HHAT: variants seen among roughly 807,000 people sequenced by gnomAD.
HHAT encodes protein-cysteine N-palmitoyltransferase HHAT.
In HHAT, 47 loss-of-function variants were observed where a neutral mutation model predicts 70.8. The ratio of observed to expected loss-of-function variants is 0.66; its 90% CI spans 0.53 to 0.85. HHAT has a LOEUF of 0.85. Among genes scored for constraint, HHAT ranks in the 40% least tolerant of loss-of-function variants. HHAT has a pLI of 0.00. For missense variants in HHAT, 609 were observed against 604.8 expected (o/e 1.01, Z -0.07); for synonymous variants, 228 against 247.6 (o/e 0.92, Z 0.74).
intron 10 of HHAT, among the ~76,000 whole-genome samples, chr1:210,596,215 G>A (rs4845058): frequency 0.96 from 146,728 of 152,186 alleles, 70,953 homozygotes; most frequent in East Asian, 1. Context: ...AGCACCATTT[G>A]TTAAATAGGG....
intron 8 of HHAT, among the ~76,000 whole-genome samples, chr1:210,473,485 A>AG (rs2094245325): frequency 3.3e-5 from 5 of 151,844 alleles, no homozygotes; most frequent in Admixed American, 3.3e-4. Context: ...TACAGCACCG[A>AG]GGGGGACGGG....
At chr1:210,336,908 G>A (rs10863820) in intron 1 of HHAT, among the ~76,000 whole-genome samples, 18,206 of 152,312 alleles carry the variant, frequency 0.12, 1,579 homozygotes, top group Admixed American at 0.27. Flanking sequence ...AGGCTGGGGA[G>A]TGTAAGATGT....
At chr1:210,504,854 T>C (rs1572896141) in intron 8 of HHAT, among the ~76,000 whole-genome samples, 1 of 152,272 alleles carries the variant, frequency 6.6e-6, no homozygotes. Context: ...AGTGTCTAAG[T>C]TTATTTTCAC....
chr1:210,354,562 A>G (rs1454327450), intron 2 of HHAT, among the ~76,000 whole-genome samples: 2 of 152,044 alleles, frequency 1.3e-5, no homozygotes, highest in Non-Finnish European at 2.9e-5. Flanking sequence ...AGCTCTCTCT[A>G]TGTTGCTCAG....
chr1:210,348,859 C>T lies in HHAT; in HGVS notation c.-43-74C>T. On this transcript the variant is annotated intron_variant, in intron 1 of 11. Coordinates refer to ENST00000261458, the MANE Select transcript of HHAT (RefSeq NM_018194.6). ...AGTGATGGGTCTCCGGGAGTGTGAA[C>T]TAACTGAATTGATGTTTAGATGCTG... 4 of 1,424,278 alleles carry T rather than the reference C, an allele frequency of 2.8e-6. No homozygotes were observed. The South Asian group carries it at 5.6e-5, about 20-fold the overall frequency. 88.2% of individuals were successfully genotyped at this position (1,424,278 alleles called of 1,614,324 possible).
At chr1:210,501,258 C>T (rs181380400) in intron 8 of HHAT, among the ~76,000 whole-genome samples, 1 of 152,318 alleles carries the variant, frequency 6.6e-6, no homozygotes, top group East Asian at 1.9e-4. Context: ...CTTATTTTGG[C>T]CCATAGACTC....
intron 9 of HHAT, among the ~76,000 whole-genome samples, chr1:210,583,926 C>G (rs12068105): frequency 7.0e-6 from 1 of 142,064 alleles, no homozygotes; most frequent in African/African-American, 2.6e-5. Context: ...CTATGGTTTT[C>G]TGACATATAC....
chr1:210,672,836 C>A lies in HHAT; in HGVS notation c.1391-1452C>A, dbSNP rs141906965. Among the ~76,000 whole-genome samples, 3 of 152,300 alleles carry A rather than the reference C, an allele frequency of 2.0e-5. No individual in the cohort carries two copies. The East Asian group carries it at 5.8e-4, about 29-fold the overall frequency. On this transcript the variant is annotated intron_variant, in intron 11 of 11. Coordinates refer to ENST00000261458, the MANE Select transcript of HHAT (RefSeq NM_018194.6). ...CACTAAAAGCTTTCAGTTTTGAAAG[C>A]AAATATTTAATTTAGGCTCCCCCTT...
intron 6 of HHAT, 70 bp downstream of exon 6, chr1:210,404,749 C>A: frequency 7.7e-7 from 1 of 1,292,232 alleles, no homozygotes. Context: ...CTGGTCTTCT[C>A]TGACTCTTGA....
In HHAT at chr1:210,334,417, A is replaced by G. The variant is rs1445685847; in HGVS notation, c.-44+5313A>G. ...GTCGTCTGCCCACCTCAGCCTCCCA[A>G]AATGGTGGGATTACAGGCATGAGCC... On this transcript the variant is annotated intron_variant, in intron 1 of 11. Coordinates refer to ENST00000261458, the MANE Select transcript of HHAT (RefSeq NM_018194.6). Among the ~76,000 whole-genome samples, 3 of 151,764 alleles carry G rather than the reference A, an allele frequency of 2.0e-5. No homozygotes were observed. In the East Asian group the frequency reaches 5.8e-4, roughly 29 times the overall value.
chr1:210,529,274 C>T (rs2148628841), intron 9 of HHAT, among the ~76,000 whole-genome samples: 1 of 149,108 alleles, frequency 6.7e-6, no homozygotes, highest in Non-Finnish European at 1.5e-5. Context: ...CACTGCACTC[C>T]AGCCTGGGCA....
At position 210,657,332 on chromosome 1, in the gene HHAT, A is replaced by G. The variant is rs1301160699; in HGVS notation, c.1391-16956A>G. On this transcript the variant is annotated intron_variant, in intron 11 of 11. Transcript: ENST00000261458. ...TATGCACAGAAAACTCTTGCTCCAC[A>G]ATACCTCCAGCTTTCAACCAGTCCC... 3.9e-5 allele frequency among the ~76,000 whole-genome samples: 6 copies of G among 152,206 alleles called. No homozygotes were observed. The South Asian group carries it at 1.0e-3, about 26-fold the overall frequency.
At chr1:210,355,380 TTTAC>T (rs2087504024) in intron 2 of HHAT, among the ~76,000 whole-genome samples, 1 of 152,244 alleles carries the variant, frequency 6.6e-6, no homozygotes, top group Non-Finnish European at 1.5e-5. Flanking sequence ...TTGAACAAGC[TTTAC>T]TTACTTGTTT....
chr1:210,424,368 C>T (rs1374270197), intron 7 of HHAT, among the ~76,000 whole-genome samples: 1 of 151,646 alleles, frequency 6.6e-6, no homozygotes, highest in Admixed American at 6.6e-5. Flanking sequence ...ATAATTGTAC[C>T]CTGCAACTTT....
intron 11 of HHAT, among the ~76,000 whole-genome samples, chr1:210,665,680 G>C (rs1678741993): frequency 6.6e-6 from 1 of 152,176 alleles, no homozygotes; most frequent in African/African-American, 2.4e-5. Context: ...AAAAAACTAA[G>C]GGACAGACAT....
At chr1:210,442,937 C>T (rs562226916) in intron 7 of HHAT, among the ~76,000 whole-genome samples, 1 of 151,916 alleles carries the variant, frequency 6.6e-6, no homozygotes, top group African/African-American at 2.4e-5. Flanking sequence ...ATGCCTATGT[C>T]CTGAATGGTA....
At chr1:210,429,395 C>T (rs575035148) in intron 7 of HHAT, among the ~76,000 whole-genome samples, 3 of 151,918 alleles carry the variant, frequency 2.0e-5, no homozygotes, top group South Asian at 2.1e-4. Flanking sequence ...TAGTCTACTT[C>T]GATCTAGAAT....
At chr1:210,587,045 A>G (rs1660610386) in intron 9 of HHAT, among the ~76,000 whole-genome samples, 1 of 152,186 alleles carries the variant, frequency 6.6e-6, no homozygotes, top group Non-Finnish European at 1.5e-5. Context: ...TCTGGCACCC[A>G]TCTGCTGCAC....
intron 11 of HHAT, among the ~76,000 whole-genome samples, chr1:210,642,870 C>A (rs1673241973): frequency 6.6e-6 from 1 of 152,032 alleles, no homozygotes; most frequent in African/African-American, 2.4e-5. Context: ...TCAGTGAGTT[C>A]CTTCATTGTT....
Sources: allele counts gnomAD v4.1 joint callset (sites outside exome capture counted in the v4.1 genomes callset), GRCh38; gene constraint gnomAD v4.1.1; transcripts MANE v1.5; gene names NCBI Gene and HGNC (gene_info 2026-07-23, HGNC 2026-07-21).